Variants in KCNT2 observed in about 807,000 individuals in gnomAD.
The protein encoded by KCNT2 is potassium channel subfamily T member 2.
In KCNT2, 67 loss-of-function variants were observed where a neutral mutation model predicts 153.8. That is an observed-to-expected ratio of 0.44 (90% CI 0.36 to 0.53). KCNT2 has a LOEUF of 0.53. Ranked by LOEUF, KCNT2 falls within the 20% of genes least tolerant of loss-of-function variation. The pLI is 0.00. For synonymous variants in KCNT2, 500 were observed against 458.8 expected, an observed-to-expected ratio of 1.09 and a Z score of -1.15; for missense variants, 975 against 1,354.8, an observed-to-expected ratio of 0.72 and a Z score of 4.40.
rs180934553 is a variant in KCNT2 at position 196,503,770 on chromosome 1, A to G, written c.96-11429T>C. 5.0e-4 allele frequency among the ~76,000 whole-genome samples: 76 copies of G among 152,276 alleles called. No homozygotes were observed. The South Asian group carries it at 6.8e-3, about 14-fold the overall frequency. ...CACACTAACATGCAGTGAAGGAAGC[A>G]CTTTCTTTTTTTTAACTTAACACTT... On this transcript the variant is annotated intron_variant, in intron 1 of 27. Transcript: ENST00000294725.
chr1:196,233,126 T>C (rs1018509648), intron 27 of KCNT2, among the ~76,000 whole-genome samples: 1 of 151,382 alleles, frequency 6.6e-6, no homozygotes, highest in Non-Finnish European at 1.5e-5. Flanking sequence ...GGATGAGTAA[T>C]TAAAATCCAA....
chr1:196,342,132 A>G lies in KCNT2; in HGVS notation c.1500T>C (p.Phe500=), dbSNP rs1465051756. The G allele has an allele frequency of 6.2e-7, 1 of 1,611,068 alleles. No homozygotes were observed. Among genetic ancestry groups the G allele is most frequent in the East Asian group, 2.2e-5 (1 of 44,754 alleles). ...TAAAACTCTTTCCTTCATATTCAGC[A>G]AAAAATGTACTTTCTTCCAAAACAA... ...YHIVLEESTF[F]AEYEGKSFTY... is the part of the protein sequence containing the mutation. Residue 500 remains phenylalanine, a synonymous_variant, in exon 15 of 28, where the codon TTT becomes TTC. Transcript: ENST00000294725.
rs200797252 is a variant in KCNT2 at position 196,508,786 on chromosome 1, C to A, written c.96-16445G>T. On this transcript the variant is annotated intron_variant, in intron 1 of 27. Coordinates refer to ENST00000294725, the MANE Select transcript of KCNT2 (RefSeq NM_198503.5). Reference sequence around the variant, plus strand: ...GGAAAAATCAAAAGGTTTAATAAAGCCAAATGTTGCAGATATGTGAATCAA... The same window carrying A: ...GGAAAAATCAAAAGGTTTAATAAAGACAAATGTTGCAGATATGTGAATCAA... Among the ~76,000 whole-genome samples the A allele has an allele frequency of 1.2e-4, 18 of 152,206 alleles. No homozygotes were observed. In the East Asian group the frequency reaches 2.9e-3, roughly 24 times the overall value.
At chr1:196,500,702 G>A (rs1292587244) in intron 1 of KCNT2, among the ~76,000 whole-genome samples, 1 of 152,040 alleles carries the variant, frequency 6.6e-6, no homozygotes, top group Non-Finnish European at 1.5e-5. Flanking sequence ...TAGACAAATA[G>A]GAATTAATTA....
chr1:196,477,677 T>C (rs1678658766), intron 5 of KCNT2, among the ~76,000 whole-genome samples: 1 of 152,136 alleles, frequency 6.6e-6, no homozygotes, highest in Non-Finnish European at 1.5e-5. Flanking sequence ...ATAGAGTAGA[T>C]GAAAAGGCTA....
At chr1:196,321,273 T>C (rs1004587832) in intron 19 of KCNT2, among the ~76,000 whole-genome samples, 1 of 151,750 alleles carries the variant, frequency 6.6e-6, no homozygotes, top group Non-Finnish European at 1.5e-5. Context: ...GAGAAGCACA[T>C]AGGAGGATGC....
At chr1:196,319,648 C>A in intron 19 of KCNT2, 93 bp from the exon 20 acceptor site, 1 of 708,496 alleles carries the variant, frequency 1.4e-6, no homozygotes. Flanking sequence ...GTTTGCATTT[C>A]CAAAACTCAA....
At position 196,442,192 on chromosome 1, in the gene KCNT2, C is replaced by CA. The variant is rs1315698810; in HGVS notation, c.639-12436dup. On this transcript the variant is annotated intron_variant, in intron 8 of 27. Coordinates refer to ENST00000294725, the MANE Select transcript of KCNT2 (RefSeq NM_198503.5). ...TAAAATTATTTTCACGTTTTTAGAA[C>CA]AAAATCACATAAGACAGTAAATAAA... Among the ~76,000 whole-genome samples the CA allele has an allele frequency of 2.6e-5, 4 of 151,852 alleles. No individual in the cohort carries two copies. In the East Asian group the frequency reaches 7.8e-4, roughly 30 times the overall value.
intron 14 of KCNT2, among the ~76,000 whole-genome samples, chr1:196,367,552 C>T (rs1300684164): frequency 2.0e-5 from 3 of 152,140 alleles, no homozygotes; most frequent in African/African-American, 7.2e-5. Context: ...ATTTACATAA[C>T]TAACAGATAC....
chr1:196,353,506 A>G lies in KCNT2; in HGVS notation c.1404-11278T>C, dbSNP rs1431254511. 2.0e-5 allele frequency among the ~76,000 whole-genome samples: 3 copies of G among 151,976 alleles called. No individual in the cohort carries two copies. The East Asian group carries it at 5.8e-4, about 29-fold the overall frequency. ...TAGTAACTATTGGTTAGAAAAAAAC[A>G]AACCGCAAAAAAGCTGTTTGTTCCC... On this transcript the variant is annotated intron_variant, in intron 14 of 27. Coordinates refer to ENST00000294725, the MANE Select transcript of KCNT2 (RefSeq NM_198503.5).
intron 1 of KCNT2, among the ~76,000 whole-genome samples, chr1:196,499,681 A>T (rs9782933): frequency 3.3e-5 from 5 of 152,208 alleles, no homozygotes; most frequent in Admixed American, 6.5e-5. Context: ...AACTTAATCT[A>T]CCTTATGATT....
At chr1:196,316,079 T>C in intron 20 of KCNT2, 53 bp from the exon 21 acceptor site, 2 of 1,535,274 alleles carry the variant, frequency 1.3e-6, no homozygotes, top group East Asian at 2.3e-5. Context: ...CACAATGTTA[T>C]AATCAGTGCT....
At position 196,337,743 on chromosome 1, in the gene KCNT2, A is replaced by C. The variant is rs546050743; in HGVS notation, c.1783+2598T>G. Reference sequence around the variant, plus strand: ...AACATCACTTTCTGGCCTACTAAGCACTTCATTTAAAATCTGCTCCTCCCA... The same window carrying C: ...AACATCACTTTCTGGCCTACTAAGCCCTTCATTTAAAATCTGCTCCTCCCA... On this transcript the variant is annotated intron_variant, in intron 16 of 27. Coordinates refer to ENST00000294725, the MANE Select transcript of KCNT2 (RefSeq NM_198503.5). 1.3e-3 allele frequency among the ~76,000 whole-genome samples: 194 copies of C among 152,200 alleles called. 2 individuals carry two copies. The highest frequency in any genetic ancestry group is 3.4e-3 in the Admixed American group (52 of 15,246).
chr1:196,352,315 G>C (rs1032013919), intron 14 of KCNT2, among the ~76,000 whole-genome samples: 3 of 152,034 alleles, frequency 2.0e-5, no homozygotes, highest in Non-Finnish European at 4.4e-5. Flanking sequence ...GTAGAATTCA[G>C]CTGTGAATCC....
At chr1:196,332,122 T>A (rs528816133) in intron 17 of KCNT2, among the ~76,000 whole-genome samples, 2 of 152,300 alleles carry the variant, frequency 1.3e-5, no homozygotes, top group South Asian at 4.1e-4. Context: ...TAGTTAAAAC[T>A]ATTTTATCTT....
chr1:196,476,989 G>A (rs1206041662), intron 5 of KCNT2, among the ~76,000 whole-genome samples: 1 of 152,008 alleles, frequency 6.6e-6, no homozygotes, highest in African/African-American at 2.4e-5. Flanking sequence ...ACTTGACATA[G>A]CAAATGTGCT....
chr1:196,468,441 G>C (rs1677798420), intron 6 of KCNT2, among the ~76,000 whole-genome samples: 1 of 152,044 alleles, frequency 6.6e-6, no homozygotes, highest in Non-Finnish European at 1.5e-5. Flanking sequence ...ATATAGTTTT[G>C]CAAAAGGAAA....
intron 8 of KCNT2, among the ~76,000 whole-genome samples, chr1:196,457,182 C>T (rs1243021630): frequency 6.6e-6 from 1 of 151,628 alleles, no homozygotes; most frequent in African/African-American, 2.4e-5. Flanking sequence ...ACAGTGGAGT[C>T]CATTTTCAGG....
intron 1 of KCNT2, among the ~76,000 whole-genome samples, chr1:196,506,301 A>G (rs1195038733): frequency 6.6e-6 from 1 of 152,212 alleles, no homozygotes; most frequent in Non-Finnish European, 1.5e-5. Flanking sequence ...GCAACAAAGC[A>G]ATGACAACTC....
Sources: gnomAD v4.1 joint callset for allele counts (sites outside exome capture counted in the v4.1 genomes callset) on GRCh38, gnomAD v4.1.1 for gene constraint, MANE v1.5 for transcripts, NCBI Gene and HGNC (gene_info 2026-07-23, HGNC 2026-07-21) for gene names.